The following QKI variants were observed in gnomAD, a reference collection of about 807,000 sequenced individuals.
QKI encodes the protein QKI, KH domain containing RNA binding.
A neutral mutation model predicts 39.0 loss-of-function variants in QKI; 10 were observed. The ratio of observed to expected loss-of-function variants is 0.26; its 90% CI spans 0.16 to 0.43. The LOEUF (loss-of-function observed/expected upper bound fraction) is 0.43. Ranked by LOEUF, QKI falls within the 20% of genes least tolerant of loss-of-function variation. The pLI, the probability that QKI is intolerant of heterozygous loss-of-function variation, is 1.00. For synonymous variants in QKI, 204 were observed against 155.4 expected (o/e 1.31, Z -2.33); for missense variants, 218 against 428.0 (o/e 0.51, Z 4.33).
intron 3 of QKI, among the ~76,000 whole-genome samples, chr6:163,515,773 A>G (rs1013165460): frequency 6.6e-6 from 1 of 152,176 alleles, no homozygotes. Context: ...TTCAGAAAGC[A>G]CTTTGAATAT....
chr6:163,421,269 T>C (rs892491704), intron 1 of QKI, among the ~76,000 whole-genome samples: 2 of 152,174 alleles, frequency 1.3e-5, no homozygotes, highest in African/African-American at 4.8e-5. Context: ...TTACTGTCAT[T>C]GTTGGGAAGG....
At chr6:163,554,830 T>C (rs1444715107) in intron 4 of QKI, among the ~76,000 whole-genome samples, 1 of 152,232 alleles carries the variant, frequency 6.6e-6, no homozygotes, top group Non-Finnish European at 1.5e-5. Flanking sequence ...CTCTGTTGCC[T>C]GGACAATGTT....
chr6:163,515,921 T>TGTG (rs1315282963), intron 3 of QKI, among the ~76,000 whole-genome samples: 1 of 152,184 alleles, frequency 6.6e-6, no homozygotes, highest in Non-Finnish European at 1.5e-5. Context: ...GTCACCTCTT[T>TGTG]GTGGTATAAG....
intron 3 of QKI, among the ~76,000 whole-genome samples, chr6:163,496,276 A>G (rs1360440506): frequency 6.6e-6 from 1 of 152,188 alleles, no homozygotes; most frequent in East Asian, 1.9e-4. Flanking sequence ...AAGGGCTTCA[A>G]CACACTGAGC....
At chr6:163,452,214 T>A (rs1227002086) in intron 1 of QKI, among the ~76,000 whole-genome samples, 1 of 152,234 alleles carries the variant, frequency 6.6e-6, no homozygotes, top group African/African-American at 2.4e-5. Flanking sequence ...GATGATTTTC[T>A]ACTTTTTTCC....
At chr6:163,532,757 G>A (rs1467240956) in intron 3 of QKI, among the ~76,000 whole-genome samples, 1 of 152,126 alleles carries the variant, frequency 6.6e-6, no homozygotes, top group African/African-American at 2.4e-5. Context: ...GCAACGATCA[G>A]GGTTCAGCTG....
intron 2 of QKI, among the ~76,000 whole-genome samples, chr6:163,472,697 A>G (rs2128223618): frequency 2.0e-5 from 3 of 152,320 alleles, no homozygotes; most frequent in Middle Eastern, 3.4e-3. Context: ...TGCTGATTAC[A>G]CTGTAGGAAG....
intron 2 of QKI, among the ~76,000 whole-genome samples, chr6:163,469,961 T>C (rs1397303963): frequency 6.6e-6 from 1 of 152,180 alleles, no homozygotes; most frequent in African/African-American, 2.4e-5. Context: ...GCCAGTAGAC[T>C]TGTGTTTGTT....
chr6:163,435,945 T>C (rs1229812394), intron 1 of QKI, among the ~76,000 whole-genome samples: 1 of 152,218 alleles, frequency 6.6e-6, no homozygotes, highest in African/African-American at 2.4e-5. Flanking sequence ...CATTTTTTAC[T>C]CTAAGTGACT....
chr6:163,441,245 A>G (rs1371360347), intron 1 of QKI, among the ~76,000 whole-genome samples: 1 of 152,176 alleles, frequency 6.6e-6, no homozygotes, highest in Non-Finnish European at 1.5e-5. Context: ...GTTATTAGCA[A>G]AGTGTTCTAA....
chr6:163,565,093 T>TG, intron 6 of QKI: 1 of 1,031,338 alleles, frequency 9.7e-7, no homozygotes, highest in Non-Finnish European at 1.2e-6. Context: ...TGTTTTCTGT[T>TG]TAAATCATTG....
chr6:163,421,412 A>G (rs991757653), intron 1 of QKI, among the ~76,000 whole-genome samples: 1 of 152,198 alleles, frequency 6.6e-6, no homozygotes, highest in Non-Finnish European at 1.5e-5. Flanking sequence ...TTTGGCATTT[A>G]TGGAATTATA....
chr6:163,567,344 G>A (rs1324242638), intron 7 of QKI: 1 of 985,444 alleles, frequency 1.0e-6, no homozygotes, highest in Non-Finnish European at 1.2e-6. Context: ...TGAGGACTGT[G>A]AAGATAACTT....
chr6:163,446,766 GT>G (rs1391721431), intron 1 of QKI, among the ~76,000 whole-genome samples: 1 of 152,158 alleles, frequency 6.6e-6, no homozygotes, highest in Admixed American at 6.5e-5. Flanking sequence ...TAAGTAACTG[GT>G]TTTTCAAAAG....
chr6:163,536,924 C>T lies in QKI; in HGVS notation c.546+1799C>T, dbSNP rs1413145970. Among the ~76,000 whole-genome samples, 5 of 152,278 alleles carry T rather than the reference C, an allele frequency of 3.3e-5. No homozygotes were observed. In the Middle Eastern group the frequency reaches 0.01, roughly 311 times the overall value. On this transcript the variant is annotated intron_variant, in intron 4 of 7. Coordinates refer to ENST00000361752, the MANE Select transcript of QKI (RefSeq NM_006775.3). ...CATTTTCTCATCTATGAGATTGGAA[C>T]ATGGCCAAGCATGGTGACTCATGCC...
intron 3 of QKI, among the ~76,000 whole-genome samples, chr6:163,502,414 G>C (rs1778829962): frequency 6.6e-6 from 1 of 152,112 alleles, no homozygotes; most frequent in South Asian, 2.1e-4. Flanking sequence ...TTGTAGACTA[G>C]TTAAAGCTTT....
intron 3 of QKI, among the ~76,000 whole-genome samples, chr6:163,523,955 A>G (rs549075127): frequency 6.6e-6 from 1 of 152,342 alleles, no homozygotes; most frequent in South Asian, 2.1e-4. Context: ...GCTTAGGGAG[A>G]ATGAATTTGG....
chr6:163,444,780 C>G (rs567775573), intron 1 of QKI, among the ~76,000 whole-genome samples: 3 of 152,110 alleles, frequency 2.0e-5, no homozygotes, highest in African/African-American at 7.2e-5. Flanking sequence ...GTAGAAGATA[C>G]CATTTTGAGT....
At chr6:163,565,110 G>C in intron 6 of QKI, 1 of 1,016,064 alleles carries the variant, frequency 9.8e-7, no homozygotes, top group Non-Finnish European at 1.2e-6. Flanking sequence ...ATTGTATAAA[G>C]TAATTGCAGG....
Sources: gnomAD v4.1 joint callset for allele counts (sites outside exome capture counted in the v4.1 genomes callset) on GRCh38, gnomAD v4.1.1 for gene constraint, MANE v1.5 for transcripts, NCBI Gene and HGNC (gene_info 2026-07-23, HGNC 2026-07-21) for gene names.